The following HMGXB3 variants were observed in gnomAD, a reference collection of about 807,000 sequenced individuals.
HMGXB3 encodes the protein HMG domain-containing protein 3.
HMGXB3 carries 45 observed loss-of-function variants against 121.5 expected under a neutral mutation model. That is an observed-to-expected ratio of 0.37 (90% CI 0.29 to 0.47). The LOEUF (loss-of-function observed/expected upper bound fraction) is 0.47. HMGXB3 is among the 20% of genes least tolerant of loss of function. The pLI, the probability that HMGXB3 is intolerant of heterozygous loss-of-function variation, is 0.99. For synonymous variants in HMGXB3, 590 were observed against 624.1 expected (o/e 0.95, Z 0.81); for missense variants, 1,376 against 1,602.2 (o/e 0.86, Z 2.41).
At chr5:150,030,578 CT>C in intron 9 of HMGXB3, 162 bp from the exon 10 acceptor site, 2 of 600,524 alleles carry the variant, frequency 3.3e-6, no homozygotes, top group Non-Finnish European at 6.0e-6. Context: ...GACACTCAGC[CT>C]TTGGTGGGCT....
At chr5:150,020,871 C>CTGACA (rs1362875229) in intron 6 of HMGXB3, among the ~76,000 whole-genome samples, 3 of 151,936 alleles carry the variant, frequency 2.0e-5, no homozygotes, top group African/African-American at 7.2e-5. Flanking sequence ...TCCCGAGTAG[C>CTGACA]TGGGATTACA....
Position 150,051,773 on chromosome 5 carries a change from A to G in HMGXB3, c.3460A>G (p.Thr1154Ala). ...LLDQHYTVDM[T>A]ETEHSIQHPV... ...GGACCAGCATTATACTGTGGACATG[A>G]CAGAAACTGAGCACTCTATCCAGCA... Residue 1154 changes from threonine to alanine, a missense_variant, in exon 20 of 20, where the codon ACA becomes GCA. This residue lies in a region of HMGXB3 where 260 missense variants were observed against 233.2 expected (regional missense o/e 1.11). Coordinates refer to ENST00000502717, the MANE Select transcript of HMGXB3 (RefSeq NM_014983.3). 1.9e-6 allele frequency: 3 copies of G among 1,543,584 alleles called. No individual in the cohort carries two copies. The highest frequency in any genetic ancestry group is 2.6e-6 in the Non-Finnish European group (3 of 1,146,946).
chr5:150,050,584 C>T, intron 19 of HMGXB3, 123 bp downstream of exon 19: 1 of 710,070 alleles, frequency 1.4e-6, no homozygotes, highest in Non-Finnish European at 2.4e-6. Flanking sequence ...CAGGTTCAAG[C>T]AGTTCTCGTG....
chr5:150,036,401 T>C (rs1429834926), intron 11 of HMGXB3, among the ~76,000 whole-genome samples: 1 of 152,140 alleles, frequency 6.6e-6, no homozygotes, highest in African/African-American at 2.4e-5. Context: ...AAATTTCAGA[T>C]TTCAGAGCAT....
Position 150,051,733 on chromosome 5 carries a change from C to T in HMGXB3, c.3420C>T (p.Ser1140=). The change falls in exon 20 of 20, where the codon TCC becomes TCT. Residue 1140 remains serine (S), a synonymous_variant. Coordinates refer to ENST00000502717, the MANE Select transcript of HMGXB3 (RefSeq NM_014983.3). ...TCTCATTTCTCTTCTAGAGTGTGTC[C>T]TGCCCAGAGCTCTTGGACCAGCATT... The part of the protein sequence containing the change: ...SSPTEPPVSV[S]CPELLDQHYT... 1 of 1,524,332 alleles carries T rather than the reference C, an allele frequency of 6.6e-7. No homozygotes were observed. Among genetic ancestry groups the T allele is most frequent in the Non-Finnish European group, 8.8e-7 (1 of 1,135,796 alleles). The allele number at this position is 1,524,332 out of a possible 1,614,324, so 94.4% of individuals were successfully genotyped here. A position where few individuals can be genotyped will look rare whatever the true frequency, so the allele number is the denominator to read the frequency against.
chr5:150,039,630 T>C (rs908903714), intron 13 of HMGXB3, among the ~76,000 whole-genome samples: 3 of 152,212 alleles, frequency 2.0e-5, no homozygotes, highest in African/African-American at 7.2e-5. Flanking sequence ...CATTCTTCTT[T>C]TGGTCTTTTT....
intron 5 of HMGXB3, chr5:150,014,693 T>C (rs1755921886): frequency 9.1e-6 from 2 of 219,028 alleles, no homozygotes; most frequent in Non-Finnish European, 1.8e-5. Flanking sequence ...TGACAGTGTT[T>C]GGTGCCTGTT....
At chr5:150,005,061 A>G in intron 2 of HMGXB3, 72 bp downstream of exon 2, 4 of 1,485,038 alleles carry the variant, frequency 2.7e-6, no homozygotes, top group Non-Finnish European at 3.6e-6. Context: ...ATTGAGGAAA[A>G]CTTTTAAGAC....
chr5:150,021,203 A>G lies in HMGXB3; in HGVS notation c.1041+2506A>G, dbSNP rs200343638. On this transcript the variant is annotated intron_variant, in intron 6 of 19. Coordinates refer to ENST00000502717, the MANE Select transcript of HMGXB3 (RefSeq NM_014983.3). The stretch of plus-strand genomic sequence containing the variant: ...GTAGATACTGTGATTTCTAAAGCTT[A>G]TAGAAACAGAATGAGTGTGAGAAGA... Among the ~76,000 whole-genome samples, 19 of 152,384 alleles carry G rather than the reference A, an allele frequency of 1.2e-4. No homozygotes were observed. In the East Asian group the frequency reaches 3.5e-3, roughly 28 times the overall value.
intron 5 of HMGXB3, 103 bp downstream of exon 5, chr5:150,012,456 C>A: frequency 6.4e-6 from 5 of 779,714 alleles, no homozygotes. Flanking sequence ...AGTTGTAGGA[C>A]CAAGAAGATT....
chr5:150,002,257 GTTTT>G (rs530959100), intron 1 of HMGXB3, among the ~76,000 whole-genome samples: 235 of 152,128 alleles, frequency 1.5e-3, no homozygotes, highest in African/African-American at 5.4e-3. Context: ...GTAGTTGTTT[GTTTT>G]TTTAAGCTTT....
At chr5:150,026,448 G>C (rs536596578) in intron 7 of HMGXB3, among the ~76,000 whole-genome samples, 160 of 152,190 alleles carry the variant, frequency 1.1e-3, no homozygotes, top group Non-Finnish European at 1.7e-3. Flanking sequence ...TTACACTTCT[G>C]TGTCTTCGCA....
rs763851247 is a variant in HMGXB3, at chr5:150,045,524, C to T, written c.2789C>T (p.Thr930Met). 32 of 1,552,266 alleles carry T rather than the reference C, an allele frequency of 2.1e-5. No individual in the cohort carries two copies. The highest frequency in any genetic ancestry group is 3.9e-5 in the Admixed American group (2 of 51,004). ...NEVNVEDFWA[T>M]METEVIEQVA... ...GTAAATGTGGAGGACTTTTGGGCCA[C>T]GATGGAGACAGAGGTGATTGAGCAG... Residue 930 changes from threonine (T) to methionine (M), a missense_variant, in exon 16 of 20, where the codon ACG (threonine) becomes ATG (methionine). Thr to Met is a moderately conservative substitution (Grantham distance 81). Coordinates refer to ENST00000502717, the MANE Select transcript of HMGXB3 (RefSeq NM_014983.3).
intron 3 of HMGXB3, among the ~76,000 whole-genome samples, chr5:150,008,033 G>C (rs1255823692): frequency 6.8e-6 from 1 of 147,008 alleles, no homozygotes; most frequent in Non-Finnish European, 1.5e-5. Context: ...CTCTAGCCTG[G>C]GCAACAGAGT....
At chr5:150,033,606 C>A (rs1756432081) in intron 11 of HMGXB3, among the ~76,000 whole-genome samples, 1 of 152,046 alleles carries the variant, frequency 6.6e-6, no homozygotes, top group Non-Finnish European at 1.5e-5. Context: ...ACGTGAAAAG[C>A]ATCTTGGAAC....
intron 6 of HMGXB3, 108 bp from the exon 7 acceptor site, chr5:150,024,154 C>T: frequency 1.1e-6 from 1 of 898,602 alleles, no homozygotes; most frequent in Non-Finnish European, 1.6e-6. Context: ...TTTCATGGAC[C>T]TTAGTTTCCT....
intron 16 of HMGXB3, among the ~76,000 whole-genome samples, 158 bp downstream of exon 16, chr5:150,045,843 G>C (rs1429598774): frequency 2.0e-5 from 3 of 152,190 alleles, no homozygotes; most frequent in Non-Finnish European, 4.4e-5. Flanking sequence ...AAATCCCCTA[G>C]AGTTTAAAGT....
At chr5:150,020,421 G>T (rs1291702472) in intron 6 of HMGXB3, among the ~76,000 whole-genome samples, 1 of 152,208 alleles carries the variant, frequency 6.6e-6, no homozygotes, top group Admixed American at 6.5e-5. Flanking sequence ...CTTGACCAAT[G>T]CGAAACAGGT....
chr5:150,039,487 G>A (rs114069094), intron 13 of HMGXB3, among the ~76,000 whole-genome samples: 1,755 of 151,714 alleles, frequency 0.012, 26 homozygotes, highest in African/African-American at 0.04. Context: ...ATTTTTTTAA[G>A]TTTATCAATT....
Sources: gnomAD v4.1 joint callset for allele counts (sites outside exome capture counted in the v4.1 genomes callset) on GRCh38, gnomAD v4.1.1 for gene constraint, gnomAD v4.1.1 regional missense constraint, MANE v1.5 for transcripts, NCBI Gene and HGNC (gene_info 2026-07-23, HGNC 2026-07-21) for gene names.